The following PSMA1 variants were observed in gnomAD, a reference collection of about 807,000 sequenced individuals.
PSMA1 encodes proteasome 20S subunit alpha 1.
In PSMA1, 3 loss-of-function variants were observed where a neutral mutation model predicts 38.4. The ratio of observed to expected loss-of-function variants is 0.08; its 90% CI spans 0.04 to 0.20. The LOEUF (loss-of-function observed/expected upper bound fraction) is 0.20, where lower values mean the gene tolerates loss of function less well. Among genes scored for constraint, PSMA1 ranks in the 10% least tolerant of loss-of-function variants. The pLI is 1.00. For synonymous variants in PSMA1, 101 were observed against 107.1 expected (o/e 0.94, Z 0.35); for missense variants, 227 against 325.3 (o/e 0.70, Z 2.32).
intron 2 of PSMA1, among the ~76,000 whole-genome samples, chr11:14,600,915 ATTC>A (rs527255258): frequency 6.7e-4 from 102 of 152,282 alleles, no homozygotes; most frequent in African/African-American, 2.2e-3. Context: ...TCACATTGGC[ATTC>A]TTTCCCACTT....
chr11:14,625,576 G>A lies in PSMA1; in HGVS notation c.-165-14425C>T, dbSNP rs183453287. Among the ~76,000 whole-genome samples, 424 of 152,314 alleles carry A rather than the reference G, an allele frequency of 2.8e-3. 10 individuals are homozygous for A. The highest frequency in any genetic ancestry group is 8.8e-4 in the Non-Finnish European group (60 of 68,018). On this transcript the variant is annotated intron_variant, in intron 1 of 10. Coordinates refer to the PSMA1 transcript ENST00000418988. ...ACTTCTTTTGGGCTTCTCCTAGTCA[G>A]TAACAGCAAGGGTATAATGTAGGCC... is the stretch of plus-strand genomic sequence containing the variant.
intron 1 of PSMA1, among the ~76,000 whole-genome samples, chr11:14,615,970 G>C (rs1852767605): frequency 1.3e-5 from 2 of 152,070 alleles, no homozygotes; most frequent in South Asian, 4.1e-4. Flanking sequence ...TAACCTGAGG[G>C]ACATGGGATT....
At chr11:14,564,954 T>C (rs999706903) in intron 2 of PSMA1, among the ~76,000 whole-genome samples, 1 of 152,010 alleles carries the variant, frequency 6.6e-6, no homozygotes, top group Admixed American at 6.6e-5. Flanking sequence ...ATTAAAAAAA[T>C]TTTTTTGTAG....
chr11:14,610,995 C>T (rs1450297385), exon 2 of PSMA1: 1 of 1,612,726 alleles, frequency 6.2e-7, no homozygotes, highest in African/African-American at 1.3e-5. Flanking sequence ...ATAACATTTC[C>T]AGGAGACAGT....
intron 1 of PSMA1, among the ~76,000 whole-genome samples, chr11:14,641,061 G>GGAA (rs1408816000): frequency 2.0e-5 from 3 of 152,068 alleles, no homozygotes; most frequent in Non-Finnish European, 4.4e-5. Flanking sequence ...AAAACGTGAG[G>GGAA]GAAGGCACCT....
chr11:14,543,728 T>A (rs1426107040), intron 2 of PSMA1, among the ~76,000 whole-genome samples: 1 of 152,230 alleles, frequency 6.6e-6, no homozygotes, highest in East Asian at 1.9e-4. Flanking sequence ...AAACTGCAAC[T>A]TTAAGTGAAA....
At chr11:14,548,451 C>A (rs1851851588) in intron 2 of PSMA1, among the ~76,000 whole-genome samples, 1 of 152,222 alleles carries the variant, frequency 6.6e-6, no homozygotes, top group East Asian at 1.9e-4. Flanking sequence ...CATACTTTTA[C>A]ATACATATGT....
In PSMA1 at chr11:14,590,979, G is replaced by T. The variant is rs191993334; in HGVS notation, c.21+19987C>A. Among the ~76,000 whole-genome samples, 27 of 152,390 alleles carry T rather than the reference G, an allele frequency of 1.8e-4. No homozygotes were observed. In the East Asian group the frequency reaches 5.2e-3, roughly 29 times the overall value. ...CTCCCACTTTAGCGGCACTTGAGGA[G>T]CCCTTCAGCCCACCACTGCACTGTG... On this transcript the variant is annotated intron_variant, in intron 2 of 10. Transcript: ENST00000418988.
chr11:14,577,996 T>C (rs540521303), intron 2 of PSMA1, among the ~76,000 whole-genome samples: 5 of 152,252 alleles, frequency 3.3e-5, no homozygotes, highest in Non-Finnish European at 5.9e-5. Flanking sequence ...CAGCCACATG[T>C]TGTCGCTCAT....
chr11:14,634,197 C>G (rs185796895), intron 1 of PSMA1, among the ~76,000 whole-genome samples: 5 of 152,304 alleles, frequency 3.3e-5, no homozygotes, highest in South Asian at 4.1e-4. Context: ...TCATCCCCCC[C>G]GGTCTGTGGA....
chr11:14,640,580 A>G (rs1853186809), intron 1 of PSMA1, among the ~76,000 whole-genome samples: 1 of 152,210 alleles, frequency 6.6e-6, no homozygotes, highest in South Asian at 2.1e-4. Context: ...AAGAACTAAA[A>G]GAATGAGTCA....
chr11:14,612,610 A>G (rs936236532), intron 1 of PSMA1, among the ~76,000 whole-genome samples: 1 of 152,230 alleles, frequency 6.6e-6, no homozygotes, highest in African/African-American at 2.4e-5. Context: ...AAAGAAAAAT[A>G]CATAGATGAC....
intron 9 of PSMA1, among the ~76,000 whole-genome samples, chr11:14,505,819 A>G (rs1427603213): frequency 2.0e-5 from 3 of 152,172 alleles, no homozygotes; most frequent in Non-Finnish European, 1.5e-5. Context: ...GGCCTGGGCA[A>G]CACAGTGAGA....
intron 2 of PSMA1, among the ~76,000 whole-genome samples, chr11:14,578,548 A>C (rs565134696): frequency 6.6e-6 from 1 of 152,266 alleles, no homozygotes; most frequent in Non-Finnish European, 1.5e-5. Context: ...TTTGCAACTC[A>C]TTAATATGAT....
chr11:14,627,403 T>C (rs1852926250), intron 1 of PSMA1, among the ~76,000 whole-genome samples: 1 of 152,164 alleles, frequency 6.6e-6, no homozygotes, highest in South Asian at 2.1e-4. Context: ...AATCAGAATC[T>C]CTGGGGTTAG....
intron 2 of PSMA1, among the ~76,000 whole-genome samples, chr11:14,590,180 A>T (rs569101649): frequency 6.6e-5 from 10 of 152,264 alleles, no homozygotes; most frequent in African/African-American, 2.4e-4. Flanking sequence ...GGTTGCTAGG[A>T]GTTGTGGGGA....
chr11:14,630,171 A>G (rs903863924), intron 1 of PSMA1, among the ~76,000 whole-genome samples: 63 of 152,146 alleles, frequency 4.1e-4, no homozygotes, highest in South Asian at 1.2e-3. Flanking sequence ...TCTCCTGCCT[A>G]ATTGCCCTGG....
chr11:14,584,799 C>T (rs996566516), intron 2 of PSMA1, among the ~76,000 whole-genome samples: 2 of 152,364 alleles, frequency 1.3e-5, no homozygotes, highest in East Asian at 1.9e-4. Context: ...TTCTCTTCCT[C>T]ATATGCCATT....
intron 6 of PSMA1, 54 bp downstream of exon 6, chr11:14,513,763 T>A: frequency 1.3e-6 from 2 of 1,541,360 alleles, no homozygotes; most frequent in African/African-American, 1.4e-5. Flanking sequence ...ATTATAAAAA[T>A]TTCTAGTTAA....
Sources: gnomAD v4.1 joint callset for allele counts (sites outside exome capture counted in the v4.1 genomes callset) on GRCh38, gnomAD v4.1.1 for gene constraint, MANE v1.5 for transcripts, NCBI Gene and HGNC (gene_info 2026-07-23, HGNC 2026-07-21) for gene names.